Variants in CASP9 observed in about 807,000 individuals in gnomAD.
CASP9 encodes the protein caspase-9.
Under a neutral mutation model 43.5 loss-of-function variants are expected in CASP9, and 29 were observed. The ratio of observed to expected loss-of-function variants is 0.67; its 90% CI spans 0.50 to 0.91. The LOEUF is 0.91. Among genes scored for constraint, CASP9 ranks in the 40% least tolerant of loss-of-function variants. CASP9 has a pLI of 0.00. For missense variants in CASP9, 575 were observed against 537.4 expected, an observed-to-expected ratio of 1.07 and a Z score of -0.69; for synonymous variants, 206 against 211.9, an observed-to-expected ratio of 0.97 and a Z score of 0.24.
chr1:15,494,089 G>T (rs1021806168), intron 7 of CASP9, 88 bp from the exon 8 acceptor site: 14 of 1,502,800 alleles, frequency 9.3e-6, no homozygotes, highest in Admixed American at 8.0e-5. Context: ...GCTGGCTCGG[G>T]CGCCCTCCAG....
chr1:15,500,881 G>GC (rs1180949520), intron 6 of CASP9, among the ~76,000 whole-genome samples: 6 of 81,218 alleles, frequency 7.4e-5, no homozygotes, highest in Non-Finnish European at 1.5e-4. Flanking sequence ...GATCAGAGCA[G>GC]GGGGTGTGGG....
chr1:15,507,995 C>T (rs1359627594), intron 2 of CASP9, 88 bp from the exon 3 acceptor site: 8 of 1,393,816 alleles, frequency 5.7e-6, no homozygotes, highest in Non-Finnish European at 7.1e-6. Context: ...CCCCCAAGAA[C>T]GGAGCAGCGA....
intron 2 of CASP9, among the ~76,000 whole-genome samples, chr1:15,512,681 A>G (rs1709800653): frequency 6.6e-6 from 1 of 152,076 alleles, no homozygotes; most frequent in Non-Finnish European, 1.5e-5. Flanking sequence ...ATATATATAT[A>G]CACACACAAA....
chr1:15,499,235 T>G (rs1049257263), intron 6 of CASP9, among the ~76,000 whole-genome samples: 1 of 152,224 alleles, frequency 6.6e-6, no homozygotes, highest in South Asian at 2.1e-4. Context: ...GCTGGGATTT[T>G]TCCATGTTTC....
intron 8 of CASP9, 115 bp from the exon 9 acceptor site, chr1:15,493,150 C>A: frequency 6.5e-7 from 1 of 1,532,804 alleles, no homozygotes; most frequent in Non-Finnish European, 8.7e-7. Flanking sequence ...ACAGCTCAAA[C>A]TGCAGCCTCT....
intron 2 of CASP9, among the ~76,000 whole-genome samples, chr1:15,510,727 G>A (rs967289394): frequency 6.6e-6 from 1 of 152,072 alleles, no homozygotes; most frequent in African/African-American, 2.4e-5. Context: ...GGCATGTTCA[G>A]GGCCCCTCAA....
At chr1:15,513,324 C>CA (rs1709836014) in intron 2 of CASP9, among the ~76,000 whole-genome samples, 1 of 152,132 alleles carries the variant, frequency 6.6e-6, no homozygotes, top group Non-Finnish European at 1.5e-5. Context: ...CACACACCCC[C>CA]TATTGGTTCT....
chr1:15,522,647 C>G (rs921981021), intron 1 of CASP9, among the ~76,000 whole-genome samples: 3 of 152,182 alleles, frequency 2.0e-5, no homozygotes. Context: ...CCCAGGAGGT[C>G]AAGGTCGCAG....
chr1:15,524,543 C>T, upstream of CASP9: 1 of 321,636 alleles, frequency 3.1e-6, no homozygotes, highest in Non-Finnish European at 4.4e-6. Context: ...TCCACCACTG[C>T]GTCCCCGCCC....
At chr1:15,502,887 A>G (rs1371379793) in intron 6 of CASP9, among the ~76,000 whole-genome samples, 2 of 152,188 alleles carry the variant, frequency 1.3e-5, no homozygotes, top group Non-Finnish European at 2.9e-5. Flanking sequence ...ACAGGAGGTG[A>G]GGCAGAGCAG....
chr1:15,524,573 C>A, upstream of CASP9: 1 of 961,910 alleles, frequency 1.0e-6, no homozygotes, highest in Non-Finnish European at 1.3e-6. Flanking sequence ...CCCCGTATCC[C>A]CGCACTGACC....
Position 15,491,886 on chromosome 1 carries a change from G to A in CASP9, c.*1057C>T, listed in dbSNP as rs1053829623. Reference sequence around the variant, plus strand: ...AGCACGTTCACACTGCAGTCCGGGGGTGCTTCAGCAAGTAAGGCACATGGG... The same window carrying A: ...AGCACGTTCACACTGCAGTCCGGGGATGCTTCAGCAAGTAAGGCACATGGG... On this transcript the variant is annotated 3_prime_UTR_variant, in exon 9 of 9. Transcript: ENST00000333868. 2.6e-5 allele frequency: 4 copies of A among 153,530 alleles called. No individual in the cohort carries two copies. The highest frequency in any genetic ancestry group is 6.4e-5 in the Admixed American group (1 of 15,504). The allele number at this position is 153,530 out of a possible 1,614,324, so 9.5% of individuals were successfully genotyped here.
chr1:15,516,739 A>T (rs1045581242), intron 2 of CASP9, among the ~76,000 whole-genome samples: 1 of 152,228 alleles, frequency 6.6e-6, no homozygotes, highest in Admixed American at 6.5e-5. Flanking sequence ...TCCTGCAGTC[A>T]GAACTAGACG....
intron 8 of CASP9, 151 bp from the exon 9 acceptor site, chr1:15,493,186 G>A (rs1010711469): frequency 1.6e-5 from 23 of 1,445,236 alleles, no homozygotes; most frequent in African/African-American, 1.1e-4. Context: ...TAAAGAATAC[G>A]CACCTCAACT....
intron 1 of CASP9, among the ~76,000 whole-genome samples, chr1:15,523,516 A>G (rs1225065565): frequency 6.6e-6 from 1 of 152,258 alleles, no homozygotes; most frequent in African/African-American, 2.4e-5. Context: ...AGAATTCCTG[A>G]GCAGACAAAA....
intron 8 of CASP9, chr1:15,493,326 A>AGCAGCAG: frequency 7.7e-7 from 1 of 1,303,652 alleles, no homozygotes; most frequent in Non-Finnish European, 9.7e-7. Context: ...ACCTGAGCAG[A>AGCAGCAG]GCAGCTGGGG....
At chr1:15,515,179 C>T (rs549933259) in intron 2 of CASP9, among the ~76,000 whole-genome samples, 1 of 152,320 alleles carries the variant, frequency 6.6e-6, no homozygotes, top group African/African-American at 2.4e-5. Flanking sequence ...AAATGACTCA[C>T]GTTGACATTT....
intron 2 of CASP9, among the ~76,000 whole-genome samples, chr1:15,515,434 T>G (rs74857874): frequency 1.3e-5 from 2 of 152,186 alleles, no homozygotes; most frequent in Non-Finnish European, 2.9e-5. Context: ...TACCATGCAA[T>G]GGTCCACCAG....
chr1:15,502,491 GAGTT>G (rs1186075846), intron 6 of CASP9, among the ~76,000 whole-genome samples: 1 of 152,118 alleles, frequency 6.6e-6, no homozygotes, highest in African/African-American at 2.4e-5. Context: ...TTTAAAAAAA[GAGTT>G]AGCCAGGGGA....
Sources: allele counts gnomAD v4.1 joint callset (sites outside exome capture counted in the v4.1 genomes callset), GRCh38; gene constraint gnomAD v4.1.1; transcripts MANE v1.5; gene names NCBI Gene and HGNC (gene_info 2026-07-23, HGNC 2026-07-21).